Variants in LIG1 observed in about 807,000 individuals in gnomAD.
The protein encoded by LIG1 is DNA ligase 1.
Under a neutral mutation model 115.7 loss-of-function variants are expected in LIG1, and 70 were observed. That is an observed-to-expected ratio of 0.60 (90% CI 0.50 to 0.74). The LOEUF is 0.74. Among genes scored for constraint, LIG1 ranks in the 30% least tolerant of loss-of-function variants. LIG1 has a pLI of 0.00. For missense variants in LIG1, 1,115 were observed against 1,225.6 expected (o/e 0.91, Z 1.35); for synonymous variants, 487 against 495.3 (o/e 0.98, Z 0.22).
intron 18 of LIG1, among the ~76,000 whole-genome samples, chr19:48,132,378 T>C (rs1219953119): frequency 6.6e-6 from 1 of 152,062 alleles, no homozygotes; most frequent in African/African-American, 2.4e-5. Context: ...CCAGAACGGC[T>C]GTTAAAATGA....
chr19:48,143,516 C>A, intron 11 of LIG1, 27 bp downstream of exon 11: 4 of 572,636 alleles, frequency 7.0e-6, no homozygotes, highest in South Asian at 2.8e-5. Context: ...GACCCCGCCC[C>A]CCACCCAGGC....
chr19:48,138,185 G>A (rs1181065763), intron 12 of LIG1, among the ~76,000 whole-genome samples: 2 of 152,090 alleles, frequency 1.3e-5, no homozygotes, highest in East Asian at 1.9e-4. Flanking sequence ...TCCCATGGGC[G>A]CCTGGGTGTA....
chr19:48,133,122 G>T (rs376561511), intron 17 of LIG1, 25 bp from the exon 18 acceptor site: 1 of 1,467,914 alleles, frequency 6.8e-7, no homozygotes. Context: ...GAGTGAGTTA[G>T]AGGAGAGGGA....
rs1297781664 is a variant in LIG1, at chr19:48,137,754, C to T, written c.1088-66G>A. 6.3e-6 allele frequency: 10 copies of T among 1,575,558 alleles called. No homozygotes were observed. The highest frequency in any genetic ancestry group is 1.7e-4 in the Middle Eastern group (1 of 6,050). The stretch of plus-strand genomic sequence containing the variant: ...TTGTGGCTGCGTGTCTCCCTTCTCT[C>T]GCGGCCTGGATGAATTTTCTCCAGC... On this transcript the variant is annotated intron_variant, in intron 12 of 27. Coordinates refer to ENST00000263274, the MANE Select transcript of LIG1 (RefSeq NM_000234.3). The surrounding 1 kb of genome is among the most constrained non-coding windows in gnomAD (Gnocchi z 4.3).
chr19:48,153,192 CAAAAAAAAAAAA>C (rs776965171), intron 6 of LIG1, among the ~76,000 whole-genome samples: 1 of 64,438 alleles, frequency 1.6e-5, no homozygotes, highest in Admixed American at 1.7e-4. Context: ...GAGACTGTCT[CAAAAAAAAAAAA>C]AAAAAAAAAG....
chr19:48,160,043 G>T (rs910354716), intron 4 of LIG1, among the ~76,000 whole-genome samples: 1 of 152,166 alleles, frequency 6.6e-6, no homozygotes, highest in African/African-American at 2.4e-5. Context: ...GAGAAAAGGG[G>T]ATCTCTAGCA....
In LIG1 at chr19:48,162,723, C is replaced by G. The variant is rs567754202; in HGVS notation, c.18-372G>C. ...GATTACAGGCATAAGCCACCGCGCC[C>G]GGCCGCATCCTATAACTTCTAACAC... On this transcript the variant is annotated intron_variant, in intron 2 of 27. Transcript: ENST00000263274. 2.6e-5 allele frequency among the ~76,000 whole-genome samples: 4 copies of G among 152,178 alleles called. No homozygotes were observed. In the South Asian group the frequency reaches 6.2e-4, roughly 24 times the overall value.
chr19:48,170,239 G>A (rs1232555563), upstream of LIG1: 3 of 455,458 alleles, frequency 6.6e-6, no homozygotes, highest in Non-Finnish European at 1.3e-5. Flanking sequence ...GGCCCCACTT[G>A]CCTTGCGTTG....
intron 19 of LIG1, among the ~76,000 whole-genome samples, chr19:48,130,214 A>C (rs1253280882): frequency 6.6e-6 from 1 of 152,250 alleles, no homozygotes; most frequent in Non-Finnish European, 1.5e-5. Flanking sequence ...AATTGATTTA[A>C]AGAACAGTGC....
intron 16 of LIG1, among the ~76,000 whole-genome samples, chr19:48,134,375 C>T (rs1042532315): frequency 8.5e-5 from 13 of 152,210 alleles, no homozygotes; most frequent in Admixed American, 2.6e-4. Flanking sequence ...TTTGGCCGGG[C>T]ATGGTGGCTC....
At chr19:48,154,091 C>A (rs1466584607) in intron 5 of LIG1, 124 bp from the exon 6 acceptor site, 3 of 794,888 alleles carry the variant, frequency 3.8e-6, no homozygotes, top group Non-Finnish European at 6.7e-6. Context: ...TCTGCCTGCA[C>A]ACAGTCACTG....
At chr19:48,133,220 C>T in intron 17 of LIG1, 123 bp from the exon 18 acceptor site, 2 of 726,098 alleles carry the variant, frequency 2.8e-6, no homozygotes, top group South Asian at 3.1e-5. Context: ...AGTCACGAAG[C>T]CTCCCACGTT....
Position 48,122,020 on chromosome 19 carries a change from G to A in LIG1, c.2233-698C>T, listed in dbSNP as rs1269083526. 6.6e-6 allele frequency among the ~76,000 whole-genome samples: 1 copy of A among 152,190 alleles called. No homozygotes were observed. The highest frequency in any genetic ancestry group is 1.5e-5 in the Non-Finnish European group (1 of 68,034). On this transcript the variant is annotated intron_variant, in intron 23 of 27. Transcript: ENST00000263274. This position sits in a 1 kb window ranked among gnomAD's most constrained non-coding sequence, Gnocchi z 4.3. ...GAAGCTCAGCCCTGGGGGCACAACA[G>A]TGCTATTTCCTGAGACAGGAAAGGT...
rs2036225066 is a variant in LIG1 at position 48,162,300 on chromosome 19, C to T, written c.69G>A (p.Glu23=). The change falls in exon 3 of 28, where the codon GAG becomes GAA. Residue 23 remains glutamate (E), a synonymous_variant. Transcript: ENST00000263274. ...CCGTCTCTCTGCTGCTATTGGATGC[C>T]TCCTTCTCAGGCTTCTTTGCTTTAC... ...KEGKAKKPEK[E]ASNSSRETEP... The T allele has an allele frequency of 6.2e-7, 1 of 1,614,136 alleles. No individual in the cohort carries two copies. The highest frequency in any genetic ancestry group is 1.7e-4 in the Middle Eastern group (1 of 6,058).
intron 5 of LIG1, chr19:48,154,176 CTG>C: frequency 1.7e-6 from 1 of 591,528 alleles, no homozygotes; most frequent in Non-Finnish European, 3.1e-6. Flanking sequence ...CTTAATTTCT[CTG>C]TGCTTTGCTC....
chr19:48,137,215 G>C lies in LIG1; in HGVS notation c.1255-131C>G, dbSNP rs2122628805. 2 of 824,604 alleles carry C rather than the reference G, an allele frequency of 2.4e-6. No individual in the cohort carries two copies. The highest frequency in any genetic ancestry group is 3.0e-5 in the South Asian group (2 of 66,874). 51.1% of individuals were successfully genotyped at this position (824,604 alleles called of 1,614,324 possible). On this transcript the variant is annotated intron_variant, in intron 13 of 27. Transcript: ENST00000263274. The surrounding 1 kb of genome is among the most constrained non-coding windows in gnomAD (Gnocchi z 4.3). ...TCCCTCACCCCATCCCCATGTCCCA[G>C]CTCCCATGGCCGCCCACTCTTAGGG...
At chr19:48,141,299 TTTTTTAA>T (rs1348957470) in intron 11 of LIG1, among the ~76,000 whole-genome samples, 1 of 152,204 alleles carries the variant, frequency 6.6e-6, no homozygotes, top group Non-Finnish European at 1.5e-5. Context: ...CCGGCTAATT[TTTTTTAA>T]TTTTTAGTAG....
At chr19:48,166,065 G>A (rs1042876587) in intron 1 of LIG1, among the ~76,000 whole-genome samples, 10 of 152,200 alleles carry the variant, frequency 6.6e-5, no homozygotes, top group African/African-American at 2.4e-4. Flanking sequence ...ACAAAGGGCA[G>A]AATATCACAG....
chr19:48,137,603 C>T lies in LIG1; in HGVS notation c.1173G>A (p.Arg391=), dbSNP rs576081858. Reference sequence around the variant, plus strand: ...TGAGCGGAGGTGGTGGCAGCATGAGCCTCTGGGTGCTGCGGCTGTTCTCGG... The same window carrying T: ...TGAGCGGAGGTGGTGGCAGCATGAGTCTCTGGGTGCTGCGGCTGTTCTCGG... ...LVAENSRSTQ[R]LMLPPPPLTA... Residue 391 remains arginine (R), a synonymous_variant, in exon 13 of 28, where the codon AGG becomes AGA. Coordinates refer to ENST00000263274, the MANE Select transcript of LIG1 (RefSeq NM_000234.3). This position sits in a 1 kb window ranked among gnomAD's most constrained non-coding sequence, Gnocchi z 4.3. The T allele has an allele frequency of 1.2e-6, 2 of 1,613,050 alleles. No homozygotes were observed. Among genetic ancestry groups the T allele is most frequent in the South Asian group, 2.2e-5 (2 of 91,084 alleles).
Sources: gnomAD v4.1 joint callset for allele counts (sites outside exome capture counted in the v4.1 genomes callset) on GRCh38, gnomAD v4.1.1 for gene constraint, Gnocchi (gnomAD v3.1) non-coding constraint, MANE v1.5 for transcripts, NCBI Gene and HGNC (gene_info 2026-07-23, HGNC 2026-07-21) for gene names.